SLC2A5: variants seen among roughly 807,000 people sequenced by gnomAD.
The protein encoded by SLC2A5 is solute carrier family 2 member 5.
Under a neutral mutation model 50.3 loss-of-function variants are expected in SLC2A5, and 56 were observed. The observed-to-expected ratio is 1.11, with a 90% CI of 0.90 to 1.39. The LOEUF (loss-of-function observed/expected upper bound fraction) is 1.39. Ranked by LOEUF, SLC2A5 falls within the 40% of genes most tolerant of loss-of-function variation. The pLI is 0.00. For synonymous variants in SLC2A5, 269 were observed against 281.9 expected (o/e 0.95, Z 0.46); for missense variants, 566 against 650.1 (o/e 0.87, Z 1.41).
At chr1:9,058,060 A>G in intron 2 of SLC2A5, 92 bp downstream of exon 2, 2 of 886,108 alleles carry the variant, frequency 2.3e-6, no homozygotes, top group South Asian at 2.8e-5. Context: ...TTCAGGACCC[A>G]CTGCGTGAAC....
intron 1 of SLC2A5, among the ~76,000 whole-genome samples, chr1:9,086,915 A>T (rs1037983409): frequency 1.3e-5 from 2 of 152,176 alleles, no homozygotes; most frequent in African/African-American, 4.8e-5. Context: ...TGTCAGCATA[A>T]CCAGAAACAT....
intron 2 of SLC2A5, among the ~76,000 whole-genome samples, chr1:9,075,705 G>C (rs1642274392): frequency 6.6e-6 from 1 of 151,992 alleles, no homozygotes; most frequent in Non-Finnish European, 1.5e-5. Flanking sequence ...TTGTCCCCCA[G>C]GCTGGAGTGC....
intron 1 of SLC2A5, among the ~76,000 whole-genome samples, chr1:9,088,093 C>T (rs1477419471): frequency 3.9e-5 from 6 of 152,070 alleles, no homozygotes; most frequent in African/African-American, 1.4e-4. Context: ...CAAGAGATTC[C>T]CTGTATTCAG....
intron 3 of SLC2A5, among the ~76,000 whole-genome samples, chr1:9,051,947 A>T (rs1014570479): frequency 6.6e-6 from 1 of 152,230 alleles, no homozygotes; most frequent in Non-Finnish European, 1.5e-5. Flanking sequence ...GAAATATTCA[A>T]GCCATGAAAA....
rs1641814861 is a variant in SLC2A5 at position 9,058,237 on chromosome 1, A to G, written c.47T>C (p.Val16Ala). The G allele has an allele frequency of 6.2e-7, 1 of 1,613,902 alleles. No homozygotes were observed. Among genetic ancestry groups the G allele is most frequent in the African/African-American group, 1.3e-5 (1 of 75,044 alleles). ...QSMKEGRLTL[V>A]LALATLIAAF... ...AGCTATCAGGGTTGCCAGGGCAAGC[A>G]CAAGCGTCAGCCTCTGCAGAGATCA... Residue 16 changes from valine to alanine, a missense_variant, in exon 2 of 12, where the codon GTG (valine) becomes GCG (alanine). Val to Ala is a moderately conservative substitution (Grantham distance 64, BLOSUM62 0). Transcript: ENST00000377424.
At chr1:9,092,728 C>T (rs1642472135), upstream of SLC2A5, among the ~76,000 whole-genome samples, 2 of 152,270 alleles carry the variant, frequency 1.3e-5, no homozygotes, top group Middle Eastern at 3.4e-3. Context: ...CAGGGTGCCT[C>T]TTTCTTTTCA....
intron 2 of SLC2A5, 120 bp from the exon 3 acceptor site, chr1:9,057,728 G>T: frequency 2.5e-6 from 2 of 788,402 alleles, no homozygotes; most frequent in Non-Finnish European, 4.0e-6. Flanking sequence ...CTTATTAACC[G>T]GGGGGTGATG....
intron 10 of SLC2A5, 59 bp from the exon 11 acceptor site, chr1:9,038,083 T>C: frequency 1.3e-6 from 2 of 1,588,588 alleles, no homozygotes; most frequent in South Asian, 1.1e-5. Context: ...ATCCCAGGCC[T>C]GGCCATGCAG....
intron 1 of SLC2A5, among the ~76,000 whole-genome samples, chr1:9,060,604 TACAC>T (rs1474277743): frequency 3.7e-5 from 2 of 53,574 alleles, no homozygotes; most frequent in African/African-American, 1.4e-4. Flanking sequence ...TAGGCAGAAA[TACAC>T]ACACCACACA....
At chr1:9,061,735 T>C (rs1641950263) in intron 1 of SLC2A5, among the ~76,000 whole-genome samples, 1 of 152,200 alleles carries the variant, frequency 6.6e-6, no homozygotes, top group Admixed American at 6.5e-5. Context: ...TTTGAAGTCC[T>C]TTGGGGTCAG....
Position 9,064,888 on chromosome 1 carries a change from A to G in SLC2A5, c.33+4616T>C, listed in dbSNP as rs146249354. On this transcript the variant is annotated intron_variant, in intron 1 of 11. Coordinates refer to ENST00000377424, the MANE Select transcript of SLC2A5 (RefSeq NM_003039.3). ...GACAACATGGTGAAACCCCGTCTCTACTAAAAATACAAAAGTTAGCCGGGC... is the reference window on the plus strand; with the variant it reads ...GACAACATGGTGAAACCCCGTCTCTGCTAAAAATACAAAAGTTAGCCGGGC... Among the ~76,000 whole-genome samples, 451 of 152,188 alleles carry G rather than the reference A, an allele frequency of 3.0e-3. 11 individuals carry two copies. The East Asian group carries it at 0.037, about 13-fold the overall frequency.
intron 2 of SLC2A5, among the ~76,000 whole-genome samples, chr1:9,077,242 T>C (rs1016255553): frequency 6.9e-5 from 10 of 144,424 alleles, no homozygotes; most frequent in African/African-American, 2.6e-4. Context: ...TCTACAAAAA[T>C]ACAAAAATTA....
At position 9,048,611 on chromosome 1, in the gene SLC2A5, C is replaced by G. The variant is rs149328850; in HGVS notation, c.294-877G>C. 3.0e-3 allele frequency among the ~76,000 whole-genome samples: 454 copies of G among 151,950 alleles called. 2 individuals are homozygous for G. The highest frequency in any genetic ancestry group is 3.4e-3 in the Non-Finnish European group (232 of 67,972). On this transcript the variant is annotated intron_variant, in intron 3 of 11. Coordinates refer to ENST00000377424, the MANE Select transcript of SLC2A5 (RefSeq NM_003039.3). ...AAAAGAAGTCAATAAAATTTAACAC[C>G]ATTATGATTTTTAAATTTTTGTTTA...
chr1:9,080,527 C>T (rs1233420589), intron 2 of SLC2A5, among the ~76,000 whole-genome samples: 1 of 152,300 alleles, frequency 6.6e-6, no homozygotes, highest in South Asian at 2.1e-4. Flanking sequence ...AGTAGCCATC[C>T]TAACAGGTGT....
intron 3 of SLC2A5, among the ~76,000 whole-genome samples, chr1:9,049,645 G>A (rs1331440978): frequency 6.6e-6 from 1 of 151,160 alleles, no homozygotes; most frequent in Non-Finnish European, 1.5e-5. Flanking sequence ...GGAGGTTGCA[G>A]TGAGCCGAGA....
Position 9,040,108 on chromosome 1 carries a change from C to T in SLC2A5, c.653G>A (p.Arg218Lys), listed in dbSNP as rs1641260219. The change falls in exon 6 of 12, where the codon AGG becomes AAG. Residue 218 changes from arginine to lysine, a missense_variant. Transcript: ENST00000377424. This position sits in a 1 kb window ranked among gnomAD's most constrained non-coding sequence, Gnocchi z 4.3. ...LLLPFFPESPRYLLIQKKDEA... is the reference protein window; with the variant it reads ...LLLPFFPESPKYLLIQKKDEA... ...GTCTTTCTTCTGAATCAGCAGGTAC[C>T]TGGGGCTCTCGGGGAAGAAGGGCAG... is the stretch of plus-strand genomic sequence containing the variant. The T allele has an allele frequency of 6.2e-7, 1 of 1,601,726 alleles. No homozygotes were observed. The highest frequency in any genetic ancestry group is 1.3e-5 in the African/African-American group (1 of 74,714).
chr1:9,058,666 G>A (rs2124409624), intron 1 of SLC2A5, among the ~76,000 whole-genome samples: 1 of 152,382 alleles, frequency 6.6e-6, no homozygotes, highest in South Asian at 2.1e-4. Flanking sequence ...GCAGCTGTTT[G>A]AATTGCTCCT....
intron 4 of SLC2A5, among the ~76,000 whole-genome samples, chr1:9,044,578 A>G (rs1641391922): frequency 6.6e-6 from 1 of 152,044 alleles, no homozygotes; most frequent in African/African-American, 2.4e-5. Flanking sequence ...TTTTTGAGAC[A>G]GAGTTTCACT....
intron 1 of SLC2A5, among the ~76,000 whole-genome samples, chr1:9,063,678 T>A (rs1164548191): frequency 4.5e-5 from 5 of 111,998 alleles, no homozygotes; most frequent in Non-Finnish European, 5.2e-5. Context: ...AGGCTATTAT[T>A]TACTTTTTTT....
Sources: allele counts gnomAD v4.1 joint callset (sites outside exome capture counted in the v4.1 genomes callset), GRCh38; gene constraint gnomAD v4.1.1; non-coding constraint Gnocchi (gnomAD v3.1); transcripts MANE v1.5; gene names NCBI Gene and HGNC (gene_info 2026-07-23, HGNC 2026-07-21).